APP: variants seen among roughly 807,000 people sequenced by gnomAD.
The protein encoded by APP is amyloid-beta precursor protein.
A neutral mutation model predicts 101.4 loss-of-function variants in APP; 31 were observed. The ratio of observed to expected loss-of-function variants is 0.31; its 90% confidence interval spans 0.23 to 0.41. The LOEUF is 0.41. Ranked by LOEUF, APP falls within the 10% of genes least tolerant of loss-of-function variation. The pLI is 1.00. For missense variants in APP, 839 were observed against 1,003.7 expected (o/e 0.84, Z 2.22); for synonymous variants, 366 against 364.4 (o/e 1.00, Z -0.05).
chr21:26,013,507 T>G (rs2043913306), intron 6 of APP, among the ~76,000 whole-genome samples: 1 of 151,936 alleles, frequency 6.6e-6, no homozygotes. Context: ...AGCAACTGAT[T>G]TGGGGAAAAT....
intron 9 of APP, among the ~76,000 whole-genome samples, chr21:25,980,970 A>G (rs2042409500): frequency 6.6e-6 from 1 of 152,104 alleles, no homozygotes; most frequent in African/African-American, 2.4e-5. Context: ...CGGGTTTAGG[A>G]CTGATTAGTT....
At chr21:25,981,252 C>T (rs1783026) in intron 9 of APP, among the ~76,000 whole-genome samples, 54,171 of 152,010 alleles carry the variant, frequency 0.36, 11,670 homozygotes, top group African/African-American at 0.59. Flanking sequence ...TTAGAAAATA[C>T]GCAGCAGTCT....
At chr21:25,963,772 T>C (rs1466141968) in intron 11 of APP, among the ~76,000 whole-genome samples, 2 of 152,192 alleles carry the variant, frequency 1.3e-5, no homozygotes, top group African/African-American at 2.4e-5. Flanking sequence ...GAAACTGCCA[T>C]GGGGACCTCT....
chr21:25,897,394 T>G (rs575687114), intron 16 of APP, among the ~76,000 whole-genome samples, 179 bp downstream of exon 16: 97 of 152,292 alleles, frequency 6.4e-4, no homozygotes, highest in East Asian at 2.9e-3. Context: ...GATTACAGGC[T>G]TGAGCCACTG....
chr21:26,039,425 C>T (rs949772656), intron 5 of APP, among the ~76,000 whole-genome samples: 17 of 152,176 alleles, frequency 1.1e-4, no homozygotes, highest in Admixed American at 9.2e-4. Flanking sequence ...TTATATGCTA[C>T]GCTTACAATA....
chr21:25,989,923 A>T (rs9305275), intron 8 of APP, among the ~76,000 whole-genome samples: 40 of 64,298 alleles, frequency 6.2e-4, no homozygotes, highest in African/African-American at 4.3e-3. Context: ...AAGTGTCTCT[A>T]AAAAAAAAAA....
chr21:26,119,759 T>C (rs1417408513), intron 1 of APP, among the ~76,000 whole-genome samples: 4 of 152,200 alleles, frequency 2.6e-5, no homozygotes, highest in African/African-American at 7.2e-5. Flanking sequence ...GCTGGTACTT[T>C]GCTAAGATCT....
At chr21:25,942,023 T>C (rs545486331) in intron 13 of APP, 11 of 152,358 alleles carry the variant, frequency 7.2e-5, no homozygotes, top group African/African-American at 9.6e-5. Context: ...GGCTGGCTTA[T>C]GACTTCTAAG....
chr21:26,054,842 T>C (rs1260863117), intron 3 of APP, among the ~76,000 whole-genome samples: 1 of 152,050 alleles, frequency 6.6e-6, no homozygotes, highest in African/African-American at 2.4e-5. Flanking sequence ...TCTTTCATAG[T>C]ACGCTATAGG....
At chr21:26,123,340 T>C (rs2062614516) in intron 1 of APP, among the ~76,000 whole-genome samples, 1 of 152,214 alleles carries the variant, frequency 6.6e-6, no homozygotes, top group Non-Finnish European at 1.5e-5. Context: ...GTGAGAATAT[T>C]AACTTGACAT....
intron 8 of APP, among the ~76,000 whole-genome samples, chr21:25,989,172 A>G (rs143039043): frequency 2.6e-5 from 4 of 152,322 alleles, no homozygotes; most frequent in African/African-American, 7.2e-5. Context: ...GTTACTTTAA[A>G]ACAGGGGAAA....
chr21:25,996,049 T>G (rs1216138655), intron 8 of APP, among the ~76,000 whole-genome samples: 1 of 152,166 alleles, frequency 6.6e-6, no homozygotes, highest in Admixed American at 6.5e-5. Flanking sequence ...AAATGGCATA[T>G]ATCATCCCTA....
Position 26,028,170 on chromosome 21 carries a change from C to T in APP, c.663-6128G>A, listed in dbSNP as rs1229776034. Among the ~76,000 whole-genome samples the T allele has an allele frequency of 1.2e-4, 17 of 136,346 alleles. No homozygotes were observed. The South Asian group carries it at 4.0e-3, about 32-fold the overall frequency. 89.4% of individuals were successfully genotyped at this position (136,346 alleles called of 152,430 possible). A position where few individuals can be genotyped will look rare whatever the true frequency, so the allele number is the denominator to read the frequency against. On this transcript the variant is annotated intron_variant, in intron 5 of 17. Transcript: ENST00000346798. ...CCAGCCTGGGTGACAGAGTGAGACT[C>T]TGTCTCAAAAAAAAAAAAAAAAGGA...
At chr21:26,050,633 TTAAAC>T (rs1195215471) in intron 5 of APP, among the ~76,000 whole-genome samples, 1 of 152,084 alleles carries the variant, frequency 6.6e-6, no homozygotes, top group Admixed American at 6.5e-5. Context: ...AAAATTCACC[TTAAAC>T]TAATGACTGA....
intron 1 of APP, among the ~76,000 whole-genome samples, chr21:26,162,615 C>T (rs1017770278): frequency 6.6e-6 from 1 of 151,742 alleles, no homozygotes; most frequent in African/African-American, 2.4e-5. Context: ...ATTTTTCTTC[C>T]TGTAAAATAT....
chr21:26,137,838 A>AG (rs1191687809), intron 1 of APP, among the ~76,000 whole-genome samples: 1 of 152,206 alleles, frequency 6.6e-6, no homozygotes, highest in Admixed American at 6.5e-5. Context: ...GAGGTGAGGC[A>AG]GGTCCTATTT....
intron 1 of APP, among the ~76,000 whole-genome samples, chr21:26,152,963 T>C (rs926447221): frequency 2.0e-5 from 3 of 152,188 alleles, no homozygotes; most frequent in African/African-American, 7.2e-5. Flanking sequence ...TACTCAGCCA[T>C]TACAAGGAAC....
chr21:25,889,377 A>ATCTT (rs1361262213), intron 17 of APP, among the ~76,000 whole-genome samples: 4 of 152,292 alleles, frequency 2.6e-5, no homozygotes, highest in African/African-American at 9.6e-5. Flanking sequence ...TGATACCTTG[A>ATCTT]TCTTACACTC....
chr21:26,067,770 C>T (rs779371417), intron 3 of APP, among the ~76,000 whole-genome samples: 46 of 152,124 alleles, frequency 3.0e-4, no homozygotes, highest in Non-Finnish European at 7.4e-5. Context: ...CCTACTTTAG[C>T]TTAGTTCAGT....
Sources: gnomAD v4.1 joint callset for allele counts (sites outside exome capture counted in the v4.1 genomes callset) on GRCh38, gnomAD v4.1.1 for gene constraint, MANE v1.5 for transcripts, NCBI Gene and HGNC (gene_info 2026-07-23, HGNC 2026-07-21) for gene names.